The following CD96 variants were observed in gnomAD, a reference collection of about 807,000 sequenced individuals.
CD96 encodes CD96 molecule.
A neutral mutation model predicts 71.3 loss-of-function variants in CD96; 70 were observed. The ratio of observed to expected loss-of-function variants is 0.98; its 90% CI spans 0.81 to 1.20. The LOEUF (loss-of-function observed/expected upper bound fraction) is 1.20. CD96 is among the 50% of genes most tolerant of loss of function. The pLI, the probability that CD96 is intolerant of heterozygous loss-of-function variation, is 0.00. For synonymous variants in CD96, 248 were observed against 233.0 expected (o/e 1.06, Z -0.59); for missense variants, 742 against 677.5 (o/e 1.10, Z -1.06).
rs188320530 is a variant in CD96, at chr3:111,570,947, G to A, written c.543+3300G>A. 5.6e-4 allele frequency: 867 copies of A among 1,559,022 alleles called. 12 individuals carry two copies. In the African/African-American group the frequency reaches 0.01, roughly 19 times the overall value. ...CGCCAGCGTCAAAGTAGGGGGTCTT[G>A]AGTGGGCTGTGCTCTGAGGCCACCA... On this transcript the variant is annotated intron_variant, in intron 3 of 13. Coordinates refer to ENST00000352690, the MANE Select transcript of CD96 (RefSeq NM_005816.5).
chr3:111,566,302 A>G (rs1307018094), intron 2 of CD96, among the ~76,000 whole-genome samples: 1 of 151,986 alleles, frequency 6.6e-6, no homozygotes, highest in Non-Finnish European at 1.5e-5. Flanking sequence ...TAGCATGAGG[A>G]TGATCCTTGC....
intron 2 of CD96, among the ~76,000 whole-genome samples, chr3:111,561,431 A>G (rs930448249): frequency 1.4e-5 from 2 of 140,592 alleles, no homozygotes; most frequent in African/African-American, 2.5e-5. Context: ...TCTAACAGAC[A>G]GGACCCTCAG....
intron 14 of CD96, among the ~76,000 whole-genome samples, chr3:111,664,968 T>C (rs570614543): frequency 1.1e-4 from 16 of 152,358 alleles, no homozygotes; most frequent in Admixed American, 3.9e-4. Flanking sequence ...AGTTATTATT[T>C]AGCAGTCAAA....
intron 8 of CD96, among the ~76,000 whole-genome samples, chr3:111,611,331 C>A (rs1271011877): frequency 6.6e-6 from 1 of 152,110 alleles, no homozygotes; most frequent in Non-Finnish European, 1.5e-5. Flanking sequence ...CCAGGGGATG[C>A]AACAAAACTA....
At chr3:111,626,518 T>C (rs929150085) in intron 10 of CD96, among the ~76,000 whole-genome samples, 5 of 152,148 alleles carry the variant, frequency 3.3e-5, no homozygotes, top group Non-Finnish European at 7.4e-5. Context: ...CCACCATCCT[T>C]TGGCATTGTA....
intron 7 of CD96, among the ~76,000 whole-genome samples, chr3:111,605,249 G>T (rs1393037184): frequency 1.3e-5 from 2 of 152,214 alleles, no homozygotes; most frequent in Non-Finnish European, 2.9e-5. Context: ...ACACTGAGGG[G>T]TGATCACATC....
intron 2 of CD96, among the ~76,000 whole-genome samples, chr3:111,563,543 A>G (rs1238630624): frequency 1.3e-5 from 2 of 152,172 alleles, no homozygotes; most frequent in African/African-American, 4.8e-5. Flanking sequence ...ATGCTTTGCA[A>G]TTTAATGACT....
At chr3:111,658,024 G>A (rs948347201) in intron 14 of CD96, among the ~76,000 whole-genome samples, 2 of 152,350 alleles carry the variant, frequency 1.3e-5, no homozygotes, top group African/African-American at 2.4e-5. Context: ...GTAGCAAAGA[G>A]CATACCTAGC....
intron 10 of CD96, among the ~76,000 whole-genome samples, chr3:111,627,129 C>A (rs1477969060): frequency 6.6e-6 from 1 of 152,178 alleles, no homozygotes; most frequent in Non-Finnish European, 1.5e-5. Flanking sequence ...CCAGCCAAAA[C>A]AATAGCCATA....
intron 8 of CD96, among the ~76,000 whole-genome samples, chr3:111,608,197 C>T (rs1177149365): frequency 7.0e-6 from 1 of 142,360 alleles, no homozygotes; most frequent in Non-Finnish European, 1.6e-5. Context: ...TTCCTCAGCA[C>T]ATGGTCTTCT....
intron 4 of CD96, among the ~76,000 whole-genome samples, chr3:111,580,103 C>T (rs1212287582): frequency 6.6e-6 from 1 of 152,178 alleles, no homozygotes; most frequent in Non-Finnish European, 1.5e-5. Flanking sequence ...TTCCTCCTCC[C>T]CTGCTATCCT....
chr3:111,610,705 G>A (rs1338196871), intron 8 of CD96, among the ~76,000 whole-genome samples: 1 of 152,180 alleles, frequency 6.6e-6, no homozygotes, highest in African/African-American at 2.4e-5. Flanking sequence ...AGGCTGACAA[G>A]CTAAGTGGCA....
chr3:111,606,745 C>T lies in CD96; in HGVS notation c.1133C>T (p.Ser378Phe). The change falls in exon 8 of 14, where the codon TCT becomes TTT. Residue 378 changes from serine to phenylalanine, a missense_variant. Transcript: ENST00000352690. ...GACCCTCCACTGAGTGTTACAGAAT[C>T]TACCCTTGACACCCAACCTTCTCCA... is the stretch of plus-strand genomic sequence containing the variant. ...STDPPLSVTE[S>F]TLDTQPSPAS... 1 of 1,607,780 alleles carries T rather than the reference C, an allele frequency of 6.2e-7. No individual in the cohort carries two copies. Among genetic ancestry groups the T allele is most frequent in the Non-Finnish European group, 8.5e-7 (1 of 1,174,240 alleles).
At chr3:111,608,369 G>A (rs1259509592) in intron 8 of CD96, among the ~76,000 whole-genome samples, 1 of 152,128 alleles carries the variant, frequency 6.6e-6, no homozygotes, top group Non-Finnish European at 1.5e-5. Context: ...TAAGTCACTA[G>A]GTCCATCTTA....
Position 111,649,810 on chromosome 3 carries a change from C to G in CD96, c.*4C>G. ...TCATGAGATGGAGACCCTCTAGTCTCGTGAGACTTTGCCCCATGGCAGAAC... is the reference window on the plus strand; with the variant it reads ...TCATGAGATGGAGACCCTCTAGTCTGGTGAGACTTTGCCCCATGGCAGAAC... On this transcript the variant is annotated 3_prime_UTR_variant, in exon 14 of 14. Transcript: ENST00000352690. 2 of 1,557,440 alleles carry G rather than the reference C, an allele frequency of 1.3e-6. No individual in the cohort carries two copies. Among genetic ancestry groups the G allele is most frequent in the South Asian group, 2.2e-5 (2 of 89,954 alleles).
chr3:111,627,240 G>A (rs1938815907), intron 10 of CD96, among the ~76,000 whole-genome samples: 1 of 152,186 alleles, frequency 6.6e-6, no homozygotes. Context: ...GTCTCCTTGG[G>A]ACAGAGTGCC....
Position 111,623,796 on chromosome 3 carries a change from C to A in CD96, c.1223C>A (p.Ala408Asp), listed in dbSNP as rs756716708. ...TCAGTGACCCTTGTAGATGTGAGTGCCTTGAGGCCAAACACCACTCCTCAA... is the reference window on the plus strand; with the variant it reads ...TCAGTGACCCTTGTAGATGTGAGTGACTTGAGGCCAAACACCACTCCTCAA... ...TSSVTLVDVS[A>D]LRPNTTPQPS... Residue 408 changes from alanine to aspartate, a missense_variant, in exon 9 of 14, where the codon GCC becomes GAC. By Grantham distance (126) the Ala-to-Asp change is moderately radical. Transcript: ENST00000352690. The A allele has an allele frequency of 6.2e-6, 10 of 1,612,020 alleles. No individual in the cohort carries two copies. The highest frequency in any genetic ancestry group is 8.5e-6 in the Non-Finnish European group (10 of 1,178,140).
At chr3:111,616,074 T>C (rs1938219251) in intron 8 of CD96, among the ~76,000 whole-genome samples, 1 of 152,142 alleles carries the variant, frequency 6.6e-6, no homozygotes. Context: ...TCCCACCCCA[T>C]TTCCTGTTCC....
rs1936284900 is a variant in CD96 at position 111,577,764 on chromosome 3, AC to A, written c.544-1262del. On this transcript the variant is annotated intron_variant, in intron 3 of 13. Transcript: ENST00000352690. Reference sequence around the variant, plus strand: ...TAGTCCATCCTCTGTTTCTGCCCATACTTGAATGTGGTTTCCATTTCTTGTA... The same window carrying A: ...TAGTCCATCCTCTGTTTCTGCCCATATTGAATGTGGTTTCCATTTCTTGTA... 9.2e-5 allele frequency among the ~76,000 whole-genome samples: 14 copies of A among 152,270 alleles called. No homozygotes were observed. In the South Asian group the frequency reaches 2.9e-3, roughly 32 times the overall value.
Sources: gnomAD v4.1 joint callset for allele counts (sites outside exome capture counted in the v4.1 genomes callset) on GRCh38, gnomAD v4.1.1 for gene constraint, MANE v1.5 for transcripts, NCBI Gene and HGNC (gene_info 2026-07-23, HGNC 2026-07-21) for gene names.